CR2: variants seen among roughly 807,000 people sequenced by gnomAD.
The protein encoded by CR2 is complement receptor type 2.
In CR2, 96 loss-of-function variants were observed where a neutral mutation model predicts 123.0. That is an observed-to-expected ratio of 0.78 (90% CI 0.66 to 0.93). The LOEUF (loss-of-function observed/expected upper bound fraction) is 0.93, where lower values mean the gene tolerates loss of function less well. Ranked by LOEUF, CR2 falls within the 40% of genes least tolerant of loss-of-function variation. CR2 has a pLI of 0.00. For missense variants in CR2, 1,258 were observed against 1,361.0 expected (o/e 0.92, Z 1.19); for synonymous variants, 484 against 469.5 (o/e 1.03, Z -0.40).
chr1:207,462,737 A>G (rs1006969217), intron 1 of CR2, among the ~76,000 whole-genome samples: 7 of 152,204 alleles, frequency 4.6e-5, no homozygotes, highest in Non-Finnish European at 8.8e-5. Flanking sequence ...AAGTAATTGA[A>G]TGAAGAGAAG....
chr1:207,483,475 C>A (rs1184920204), intron 18 of CR2, among the ~76,000 whole-genome samples: 1 of 151,904 alleles, frequency 6.6e-6, no homozygotes, highest in Non-Finnish European at 1.5e-5. Flanking sequence ...AGAGTGTGTA[C>A]CACACAACCC....
In CR2 at chr1:207,466,793, G is replaced by C. The variant is rs1405321698; in HGVS notation, c.326G>C (p.Arg109Thr). The C allele has an allele frequency of 6.2e-7, 1 of 1,613,994 alleles. No individual in the cohort carries two copies. Among genetic ancestry groups the C allele is most frequent in the African/African-American group, 1.3e-5 (1 of 74,910 alleles). Residue 109 changes from arginine to threonine, a missense_variant, in exon 2 of 20, where the codon AGA becomes ACA. Transcript: ENST00000367057. ...AAAATTAGAGGCTCTACACCCTACA[G>C]ACATGGTGATTCTGTGACATTTGCC... ...GYKIRGSTPY[R>T]HGDSVTFACK...
chr1:207,480,184 G>A (rs555395887), intron 18 of CR2, 131 bp downstream of exon 18: 87 of 734,586 alleles, frequency 1.2e-4, no homozygotes, highest in African/African-American at 9.0e-4. Context: ...GAAGTATCTC[G>A]TGCTATACAA....
rs1045308655 is a variant in CR2 at position 207,479,891 on chromosome 1, C to A, written c.3113-87C>A. 28 of 945,140 alleles carry A rather than the reference C, an allele frequency of 3.0e-5. No homozygotes were observed. The Middle Eastern group carries it at 8.4e-4, about 28-fold the overall frequency. 58.5% of individuals were successfully genotyped at this position (945,140 alleles called of 1,614,324 possible). On this transcript the variant is annotated intron_variant, in intron 17 of 19. Transcript: ENST00000367057. ...AGTATGAGTCACATAACATTTTCCCCACCACTAGCAATAGGCCCTGCAATC... is the reference window on the plus strand; with the variant it reads ...AGTATGAGTCACATAACATTTTCCCAACCACTAGCAATAGGCCCTGCAATC...
Position 207,470,122 on chromosome 1 carries a change from GA to G in CR2, c.1225+24del, listed in dbSNP as rs1163128511. The G allele has an allele frequency of 5.0e-6, 8 of 1,612,592 alleles. No homozygotes were observed. Among genetic ancestry groups the G allele is most frequent in the Non-Finnish European group, 5.9e-6 (7 of 1,179,734 alleles). ...AAAAGGGTGAGTGTTCCGGTACTCAGAAAAGGTGCTTCTGATTCGTTTCTGA... is the reference window on the plus strand; with the variant it reads ...AAAAGGGTGAGTGTTCCGGTACTCAGAAAGGTGCTTCTGATTCGTTTCTGA... On this transcript the variant is annotated intron_variant, in intron 6 of 19. Coordinates refer to ENST00000367057, the MANE Select transcript of CR2 (RefSeq NM_001006658.3).
At chr1:207,468,058 T>C (rs1658153946) in intron 2 of CR2, among the ~76,000 whole-genome samples, 1 of 152,188 alleles carries the variant, frequency 6.6e-6, no homozygotes, top group East Asian at 1.9e-4. Flanking sequence ...GCAAATGTAA[T>C]TCATATAGTG....
chr1:207,467,331 C>T (rs1345169534), intron 2 of CR2, among the ~76,000 whole-genome samples: 1 of 151,882 alleles, frequency 6.6e-6, no homozygotes, highest in Admixed American at 6.6e-5. Context: ...CTAACACAGT[C>T]TAGCACAGGT....
rs1032072357 is a variant in CR2, at chr1:207,454,755, G to A, written c.58+279G>A. ...TGGCTGGCGGCGTGCGGGTGCTCGC[G>A]GTCTCCTGCCGGGCTCCCCGCCCCC... On this transcript the variant is annotated intron_variant, in intron 1 of 19. Coordinates refer to ENST00000367057, the MANE Select transcript of CR2 (RefSeq NM_001006658.3). The surrounding 1 kb of genome is among the most constrained non-coding windows in gnomAD (Gnocchi z 4.3). 1.5e-5 allele frequency: 6 copies of A among 389,590 alleles called. 1 individual carries two copies. The Admixed American group carries it at 2.2e-4, about 14-fold the overall frequency. The allele number at this position is 389,590 out of a possible 1,614,324, so 24.1% of individuals were successfully genotyped here.
At chr1:207,458,284 T>C (rs1218362362) in intron 1 of CR2, among the ~76,000 whole-genome samples, 1 of 152,148 alleles carries the variant, frequency 6.6e-6, no homozygotes, top group Non-Finnish European at 1.5e-5. Flanking sequence ...TTCATTTTTT[T>C]TTTTTTGGCC....
rs1303928869 is a variant in CR2 at position 207,473,564 on chromosome 1, G to T, written c.1998G>T (p.Gly666=). The T allele has an allele frequency of 6.2e-7, 1 of 1,613,832 alleles. No homozygotes were observed. The highest frequency in any genetic ancestry group is 2.2e-5 in the East Asian group (1 of 44,884). The part of the protein sequence containing the change: ...VCEKGCQSPP[G]LHHGRHTGGN... Reference sequence around the variant, plus strand: ...CTTCAGGCTGCCAGTCACCTCCTGGGCTCCACCATGGTCGTCATACAGGTG... The same window carrying T: ...CTTCAGGCTGCCAGTCACCTCCTGGTCTCCACCATGGTCGTCATACAGGTG... Residue 666 remains glycine (G), a synonymous_variant, in exon 11 of 20, where the codon GGG becomes GGT. Coordinates refer to ENST00000367057, the MANE Select transcript of CR2 (RefSeq NM_001006658.3).
chr1:207,476,393 G>A lies in CR2; in HGVS notation c.2876G>A (p.Trp959Ter). The A allele has an allele frequency of 6.2e-7, 1 of 1,613,712 alleles. No homozygotes were observed. Among genetic ancestry groups the A allele is most frequent in the Non-Finnish European group, 8.5e-7 (1 of 1,179,844 alleles). ...ALLLCTHEGT[W>*]SQPAPHCKEV... ...CTTCTTTGCACACATGAGGGAACCT[G>A]GAGCCAACCTGCCCCTCATTGTAAA... The change falls in exon 15 of 20, where the codon TGG (tryptophan) becomes TAG (stop). Residue 959 changes from tryptophan to a stop codon, truncating the protein, a stop_gained. Coordinates refer to ENST00000367057, the MANE Select transcript of CR2 (RefSeq NM_001006658.3). LOFTEE classifies it high-confidence loss of function.
In CR2 at chr1:207,468,851, C is replaced by T; in HGVS notation, c.686C>T (p.Pro229Leu). ...GRFPNGKVKEPPILRVGVTAN... is the reference protein window; with the variant it reads ...GRFPNGKVKELPILRVGVTAN... Reference sequence around the variant, plus strand: ...TTTCCCAATGGGAAGGTAAAGGAGCCTCCAATTCTCCGGGTTGGTGTAACT... The same window carrying T: ...TTTCCCAATGGGAAGGTAAAGGAGCTTCCAATTCTCCGGGTTGGTGTAACT... Residue 229 changes from proline to leucine, a missense_variant, in exon 4 of 20, where the codon CCT becomes CTT. Coordinates refer to ENST00000367057, the MANE Select transcript of CR2 (RefSeq NM_001006658.3). The T allele has an allele frequency of 6.2e-7, 1 of 1,613,998 alleles. No individual in the cohort carries two copies. The highest frequency in any genetic ancestry group is 8.5e-7 in the Non-Finnish European group (1 of 1,179,948).
intron 12 of CR2, 25 bp from the exon 13 acceptor site, chr1:207,474,216 T>C: frequency 6.5e-7 from 1 of 1,536,994 alleles, no homozygotes; most frequent in Non-Finnish European, 9.0e-7. Flanking sequence ...GAACAGGAAA[T>C]GCATTATAAT....
chr1:207,456,395 C>T (rs1657836330), intron 1 of CR2, among the ~76,000 whole-genome samples: 1 of 152,140 alleles, frequency 6.6e-6, no homozygotes, highest in South Asian at 2.1e-4. Flanking sequence ...TTCCTGGTTC[C>T]ACCTCCCCCT....
At chr1:207,456,033 G>T (rs898632835) in intron 1 of CR2, among the ~76,000 whole-genome samples, 4 of 152,082 alleles carry the variant, frequency 2.6e-5, no homozygotes, top group Non-Finnish European at 5.9e-5. Flanking sequence ...TGACCTATAG[G>T]TCACTTTCCA....
chr1:207,461,286 A>G (rs1657959004), intron 1 of CR2, among the ~76,000 whole-genome samples: 1 of 152,192 alleles, frequency 6.6e-6, no homozygotes, highest in Admixed American at 6.5e-5. Context: ...TGAAAAAACA[A>G]GCAAACAAAC....
In CR2 at chr1:207,467,022, G is replaced by T. The variant is rs1016954996; in HGVS notation, c.445+110G>T. 45 of 1,303,246 alleles carry T rather than the reference G, an allele frequency of 3.5e-5. No homozygotes were observed. The African/African-American group carries it at 5.9e-4, about 17-fold the overall frequency. 80.7% of individuals were successfully genotyped at this position (1,303,246 alleles called of 1,614,324 possible). A position where few individuals can be genotyped will look rare whatever the true frequency, so the allele number is the denominator to read the frequency against. On this transcript the variant is annotated intron_variant, in intron 2 of 19. Transcript: ENST00000367057. ...ACAGTGTGAACATGTAATGATGAGG[G>T]TGGAAGAAGGAAACAAGGGAAAAGG...
chr1:207,458,978 T>C (rs937105777), intron 1 of CR2, among the ~76,000 whole-genome samples: 2 of 151,886 alleles, frequency 1.3e-5, no homozygotes, highest in Non-Finnish European at 2.9e-5. Context: ...AAAAAAAAGA[T>C]ATTTGTTTGG....
At chr1:207,470,707 G>A in intron 6 of CR2, 33 bp from the exon 7 acceptor site, 1 of 1,605,140 alleles carries the variant, frequency 6.2e-7, no homozygotes, top group Non-Finnish European at 8.5e-7. Context: ...GTTTACTTAA[G>A]CAGTTATGTT....
Sources: allele counts gnomAD v4.1 joint callset (sites outside exome capture counted in the v4.1 genomes callset), GRCh38; gene constraint gnomAD v4.1.1; non-coding constraint Gnocchi (gnomAD v3.1); transcripts MANE v1.5; gene names NCBI Gene and HGNC (gene_info 2026-07-23, HGNC 2026-07-21).